Variants in DRC8 observed in about 807,000 individuals in gnomAD.
DRC8 encodes the protein dynein regulatory complex subunit 8.
the DRC8 span, among the ~76,000 whole-genome samples, chr1:245,053,135 C>T: frequency 6.6e-6 from 1 of 152,088 alleles, no homozygotes; most frequent in Non-Finnish European, 1.5e-5. Context: ...ACCTTTCAAT[C>T]AGTTGTTGGA....
the DRC8 span, among the ~76,000 whole-genome samples, chr1:245,020,138 G>A: frequency 1.3e-5 from 2 of 152,126 alleles, no homozygotes; most frequent in Non-Finnish European, 2.9e-5. Flanking sequence ...CCTGTGTAGG[G>A]CTGATCTAGG....
the DRC8 span, chr1:245,124,395 T>G: frequency 6.6e-6 from 1 of 152,196 alleles, no homozygotes; most frequent in African/African-American, 2.4e-5. Flanking sequence ...TGGAGGGGAA[T>G]TCTAGGTGTC....
the DRC8 span, among the ~76,000 whole-genome samples, chr1:245,115,848 G>GT: frequency 6.6e-6 from 1 of 151,700 alleles, no homozygotes; most frequent in African/African-American, 2.4e-5. Context: ...GAGGCCAGGA[G>GT]TTTGAGACCA....
chr1:245,053,385 A>G, the DRC8 span, among the ~76,000 whole-genome samples: 2 of 152,216 alleles, frequency 1.3e-5, no homozygotes, highest in African/African-American at 4.8e-5. Context: ...GGCCTGAGAC[A>G]GGGACAGCAT....
the DRC8 span, among the ~76,000 whole-genome samples, chr1:244,980,213 C>T: frequency 1.0e-3 from 139 of 135,354 alleles, 2 homozygotes; most frequent in African/African-American, 3.7e-3. Flanking sequence ...AGCGAGACTC[C>T]GTCTCAAAAA....
the DRC8 span, among the ~76,000 whole-genome samples, chr1:245,064,563 A>G: frequency 6.6e-6 from 1 of 152,154 alleles, no homozygotes; most frequent in Non-Finnish European, 1.5e-5. Flanking sequence ...TTCCTCTAGC[A>G]TTTTAACATA....
the DRC8 span, chr1:244,970,294 T>G: frequency 3.5e-6 from 3 of 863,792 alleles, no homozygotes; most frequent in Non-Finnish European, 3.7e-6. Flanking sequence ...CCAAGGGTCT[T>G]CCTCCCCCGG....
At chr1:245,026,434 C>T in the DRC8 span, among the ~76,000 whole-genome samples, 22 of 152,284 alleles carry the variant, frequency 1.4e-4, no homozygotes, top group South Asian at 4.1e-4. Context: ...AATAACATTT[C>T]GCAATTCATG....
the DRC8 span, among the ~76,000 whole-genome samples, chr1:245,095,064 C>A: frequency 2.5e-3 from 376 of 152,338 alleles, 1 homozygote; most frequent in Middle Eastern, 0.01. Context: ...CTCAGGCCAA[C>A]AGGAGCCAAG....
At chr1:245,119,607 C>T in the DRC8 span, among the ~76,000 whole-genome samples, 1 of 151,054 alleles carries the variant, frequency 6.6e-6, no homozygotes, top group Non-Finnish European at 1.5e-5. Flanking sequence ...CCACTGTGCT[C>T]CAGCCTGGGC....
the DRC8 span, among the ~76,000 whole-genome samples, chr1:244,984,848 T>A: frequency 2.6e-5 from 2 of 76,328 alleles, no homozygotes; most frequent in South Asian, 9.3e-4. Context: ...ACACCCCCCC[T>A]TCAAAAAAAA....
the DRC8 span, among the ~76,000 whole-genome samples, chr1:245,101,137 G>A: frequency 2.0e-5 from 3 of 152,026 alleles, no homozygotes; most frequent in African/African-American, 4.8e-5. Flanking sequence ...CACCTGCCTC[G>A]GCCTCCCAAA....
the DRC8 span, among the ~76,000 whole-genome samples, chr1:244,975,345 G>A: frequency 6.6e-6 from 1 of 152,188 alleles, no homozygotes; most frequent in African/African-American, 2.4e-5. Flanking sequence ...AGTGTAGCCT[G>A]TGGGACAGTA....
At chr1:245,022,780 T>C in the DRC8 span, among the ~76,000 whole-genome samples, 3 of 152,108 alleles carry the variant, frequency 2.0e-5, no homozygotes, top group Admixed American at 1.3e-4. Context: ...TAACCTAAAA[T>C]TTATCATTTT....
At chr1:245,119,661 C>T in the DRC8 span, among the ~76,000 whole-genome samples, 16 of 147,712 alleles carry the variant, frequency 1.1e-4, no homozygotes, top group South Asian at 2.1e-4. Flanking sequence ...AGGCTGGGCA[C>T]GGTGGCTCAC....
At chr1:245,119,236 C>T in the DRC8 span, among the ~76,000 whole-genome samples, 1 of 152,078 alleles carries the variant, frequency 6.6e-6, no homozygotes, top group African/African-American at 2.4e-5. Flanking sequence ...TTTCTCACTT[C>T]TAGTGGTCAA....
chr1:245,072,791 C>T, the DRC8 span, among the ~76,000 whole-genome samples: 1 of 152,184 alleles, frequency 6.6e-6, no homozygotes, highest in Non-Finnish European at 1.5e-5. Flanking sequence ...AATGACTTCA[C>T]ACAAGCTCTG....
At chr1:245,085,148 A>G in the DRC8 span, among the ~76,000 whole-genome samples, 1 of 152,262 alleles carries the variant, frequency 6.6e-6, no homozygotes, top group Non-Finnish European at 1.5e-5. Context: ...TCTCTCAAGG[A>G]TATTACAATC....
At chr1:245,102,061 GATC>G in the DRC8 span, among the ~76,000 whole-genome samples, 886 of 152,296 alleles carry the variant, frequency 5.8e-3, 7 homozygotes, top group African/African-American at 0.02. Context: ...GAGATTTACA[GATC>G]ATTTTACTTG....
Sources: gnomAD v4.1 joint callset for allele counts (sites outside exome capture counted in the v4.1 genomes callset) on GRCh38, gnomAD v4.1.1 for gene constraint, MANE v1.5 for transcripts, NCBI Gene and HGNC (gene_info 2026-07-23, HGNC 2026-07-21) for gene names.